Variants in DLG2 observed in about 807,000 individuals in gnomAD.
The protein encoded by DLG2 is disks large homolog 2.
Under a neutral mutation model 132.5 loss-of-function variants are expected in DLG2, and 45 were observed. The observed-to-expected ratio is 0.34, with a 90% CI of 0.27 to 0.44. The LOEUF is 0.44. Among genes scored for constraint, DLG2 ranks in the 20% least tolerant of loss-of-function variants. The pLI, the probability that DLG2 is intolerant of heterozygous loss-of-function variation, is 1.00. For synonymous variants in DLG2, 424 were observed against 419.6 expected (o/e 1.01, Z -0.13); for missense variants, 1,045 against 1,196.9 (o/e 0.87, Z 1.87).
At chr11:83,503,130 T>A (rs1216370743) in intron 21 of DLG2, among the ~76,000 whole-genome samples, 1 of 151,498 alleles carries the variant, frequency 6.6e-6, no homozygotes, top group Non-Finnish European at 1.5e-5. Context: ...TCAAGGGGCA[T>A]GAAGAAGGCA....
At chr11:85,370,983 C>A (rs931532777) in intron 3 of DLG2, among the ~76,000 whole-genome samples, 2 of 152,068 alleles carry the variant, frequency 1.3e-5, no homozygotes, top group South Asian at 4.1e-4. Context: ...TTATTGTAAG[C>A]CATGGAGTTA....
intron 17 of DLG2, among the ~76,000 whole-genome samples, chr11:83,828,708 C>T (rs948554970): frequency 6.6e-6 from 1 of 152,060 alleles, no homozygotes; most frequent in African/African-American, 2.4e-5. Context: ...CAAAAGAGGC[C>T]CTCCTTATAC....
intron 7 of DLG2, among the ~76,000 whole-genome samples, chr11:84,506,872 T>C (rs1253463299): frequency 6.6e-6 from 1 of 152,186 alleles, no homozygotes; most frequent in Non-Finnish European, 1.5e-5. Context: ...GCAATGACTC[T>C]GCTTCCTCAG....
intron 6 of DLG2, among the ~76,000 whole-genome samples, chr11:84,907,485 T>C (rs1051256483): frequency 2.6e-5 from 4 of 152,176 alleles, no homozygotes; most frequent in African/African-American, 4.8e-5. Context: ...ATGTGCCTGA[T>C]GCTAAGCCCG....
chr11:84,729,222 T>C (rs577952061), intron 6 of DLG2, among the ~76,000 whole-genome samples: 1 of 152,298 alleles, frequency 6.6e-6, no homozygotes, highest in South Asian at 2.1e-4. Context: ...TGTGGGCATT[T>C]AGTGCTATGT....
chr11:84,923,450 G>C lies in DLG2; in HGVS notation c.357+188211C>G, dbSNP rs1017694581. ...AAAAAAAAAGAAGAAGAAGAAGGAG[G>C]GGGGAATGAGCTCACTCAGGAAGGA... On this transcript the variant is annotated intron_variant, in intron 6 of 27. Transcript: ENST00000376104. 1.2e-5 allele frequency: 12 copies of C among 972,002 alleles called. No individual in the cohort carries two copies. The South Asian group carries it at 2.0e-4, about 16-fold the overall frequency. The allele number at this position is 972,002 out of a possible 1,614,324, so 60.2% of individuals were successfully genotyped here.
At chr11:83,482,193 A>G (rs11601048) in intron 22 of DLG2, among the ~76,000 whole-genome samples, 54,691 of 151,896 alleles carry the variant, frequency 0.36, 9,962 homozygotes, top group Middle Eastern at 0.46. Context: ...AACTCTCCAA[A>G]TGAACAATTT....
chr11:84,586,250 T>C (rs1319369522), intron 6 of DLG2, among the ~76,000 whole-genome samples: 1 of 152,200 alleles, frequency 6.6e-6, no homozygotes, highest in Non-Finnish European at 1.5e-5. Flanking sequence ...ACTAAGGATA[T>C]TTTATTAAAT....
chr11:85,154,772 A>T (rs1193086414), intron 4 of DLG2, 121 bp from the exon 5 acceptor site: 6 of 559,544 alleles, frequency 1.1e-5, no homozygotes, highest in African/African-American at 3.8e-5. Flanking sequence ...GATGTTGCTT[A>T]TTTCAATTTT....
chr11:84,741,611 C>T (rs1409962222), intron 6 of DLG2, among the ~76,000 whole-genome samples: 1 of 152,038 alleles, frequency 6.6e-6, no homozygotes, highest in Non-Finnish European at 1.5e-5. Flanking sequence ...ATGGCACCCA[C>T]CTAGAACCAA....
intron 22 of DLG2, among the ~76,000 whole-genome samples, chr11:83,482,047 A>G (rs569962470): frequency 1.3e-5 from 2 of 152,216 alleles, no homozygotes; most frequent in South Asian, 4.1e-4. Context: ...ATAATGCTGA[A>G]ATCAATATTT....
chr11:85,292,998 C>T (rs2079007806), intron 3 of DLG2, among the ~76,000 whole-genome samples: 2 of 151,806 alleles, frequency 1.3e-5, no homozygotes, highest in African/African-American at 2.4e-5. Flanking sequence ...CTCTTAATGA[C>T]TAAATCTGAA....
intron 6 of DLG2, among the ~76,000 whole-genome samples, chr11:84,969,781 A>G (rs918841323): frequency 6.6e-6 from 1 of 152,172 alleles, no homozygotes; most frequent in Non-Finnish European, 1.5e-5. Context: ...ATACCCATCA[A>G]TGACAGACTG....
chr11:84,247,185 A>G (rs1268842770), intron 8 of DLG2, among the ~76,000 whole-genome samples: 3 of 152,232 alleles, frequency 2.0e-5, no homozygotes, highest in African/African-American at 7.2e-5. Flanking sequence ...TTTCTAAAGC[A>G]TAAAGAATAC....
rs1252509464 is a variant in DLG2 at position 84,616,519 on chromosome 11, A to T, written c.358-81788T>A. On this transcript the variant is annotated intron_variant, in intron 6 of 27. Coordinates refer to ENST00000376104, the MANE Select transcript of DLG2 (RefSeq NM_001142699.3). ...TTCTATAATTCACAAAGCACTGTCC[A>T]GTAGAATAATTTAATTGAAGCCTCT... Among the ~76,000 whole-genome samples, 4 of 152,124 alleles carry T rather than the reference A, an allele frequency of 2.6e-5. No homozygotes were observed. The East Asian group carries it at 7.7e-4, about 29-fold the overall frequency.
chr11:84,054,415 C>T (rs1015699441), intron 11 of DLG2, among the ~76,000 whole-genome samples: 1 of 151,982 alleles, frequency 6.6e-6, no homozygotes, highest in Non-Finnish European at 1.5e-5. Context: ...AATGGATTTG[C>T]CTAATACTTT....
At chr11:83,514,236 A>G (rs2095191577) in intron 21 of DLG2, among the ~76,000 whole-genome samples, 1 of 152,238 alleles carries the variant, frequency 6.6e-6, no homozygotes, top group South Asian at 2.1e-4. Flanking sequence ...CCTTGAAGAA[A>G]TCCTTCACAT....
At chr11:84,857,042 T>A (rs918654163) in intron 6 of DLG2, among the ~76,000 whole-genome samples, 2 of 150,748 alleles carry the variant, frequency 1.3e-5, no homozygotes, top group African/African-American at 4.9e-5. Context: ...AAGAAGAAGT[T>A]TGGCATCTTT....
chr11:83,976,951 T>C (rs1204419735), intron 12 of DLG2, among the ~76,000 whole-genome samples: 1 of 151,888 alleles, frequency 6.6e-6, no homozygotes, highest in Admixed American at 6.6e-5. Flanking sequence ...TGGAGTAGCA[T>C]TTCAGATTTT....
Sources: allele counts gnomAD v4.1 joint callset (sites outside exome capture counted in the v4.1 genomes callset), GRCh38; gene constraint gnomAD v4.1.1; transcripts MANE v1.5; gene names NCBI Gene and HGNC (gene_info 2026-07-23, HGNC 2026-07-21).